MTFR1: variants seen among roughly 807,000 people sequenced by gnomAD.
MTFR1 encodes chondrocyte protein with a poly-proline region.
Under a neutral mutation model 38.8 loss-of-function variants are expected in MTFR1, and 28 were observed. The ratio of observed to expected loss-of-function variants is 0.72; its 90% CI spans 0.53 to 0.99. The LOEUF (loss-of-function observed/expected upper bound fraction) is 0.99, where lower values mean the gene tolerates loss of function less well. MTFR1 is among the 50% of genes least tolerant of loss of function. The pLI, the probability that MTFR1 is intolerant of heterozygous loss-of-function variation, is 0.00. For missense variants in MTFR1, 358 were observed against 395.5 expected, an observed-to-expected ratio of 0.91 and a Z score of 0.81; for synonymous variants, 145 against 137.0, an observed-to-expected ratio of 1.06 and a Z score of -0.41.
chr8:65,766,659 C>G (rs1307298002), intron 3 of MTFR1, among the ~76,000 whole-genome samples: 2 of 152,232 alleles, frequency 1.3e-5, no homozygotes, highest in African/African-American at 4.8e-5. Context: ...ATTTCTCCCT[C>G]TCTCCTCTTC....
At chr8:65,693,567 T>A in intron 3 of MTFR1, 77 bp from the exon 4 acceptor site, 1 of 1,181,304 alleles carries the variant, frequency 8.5e-7, no homozygotes, top group Non-Finnish European at 1.2e-6. Flanking sequence ...CTGACGATTT[T>A]CCTTTAGGTG....
At chr8:65,675,087 T>C (rs907031745) in intron 2 of MTFR1, among the ~76,000 whole-genome samples, 5 of 152,040 alleles carry the variant, frequency 3.3e-5, no homozygotes, top group Non-Finnish European at 7.4e-5. Context: ...GGTTAGCAGT[T>C]CGAGACCAGC....
intron 3 of MTFR1, chr8:65,727,021 T>A: frequency 9.4e-7 from 1 of 1,064,074 alleles, no homozygotes; most frequent in Non-Finnish European, 1.5e-6. Context: ...TCTGGACATA[T>A]CATTACTAAC....
At chr8:65,698,672 G>C (rs566784224) in intron 4 of MTFR1, among the ~76,000 whole-genome samples, 49 of 152,072 alleles carry the variant, frequency 3.2e-4, no homozygotes, top group Admixed American at 1.2e-3. Flanking sequence ...GGACTCAATA[G>C]GTAGTTTTTT....
At chr8:65,699,882 G>T (rs995457809) in intron 4 of MTFR1, among the ~76,000 whole-genome samples, 3 of 152,074 alleles carry the variant, frequency 2.0e-5, no homozygotes, top group African/African-American at 4.8e-5. Context: ...GAAAGCTGAA[G>T]CTCTTCAATA....
At chr8:65,651,657 A>T (rs112327454) in intron 1 of MTFR1, among the ~76,000 whole-genome samples, 16,694 of 151,950 alleles carry the variant, frequency 0.11, 1,139 homozygotes, top group Middle Eastern at 0.17. Context: ...CCATTGGTCT[A>T]TGTGTCTGTT....
downstream of MTFR1, among the ~76,000 whole-genome samples, chr8:65,713,013 T>TA (rs777796267): frequency 6.6e-6 from 1 of 152,206 alleles, no homozygotes; most frequent in African/African-American, 2.4e-5. Context: ...ATGTACAGCT[T>TA]AAAGATAGGT....
At chr8:65,690,298 G>T (rs1235989173) in intron 3 of MTFR1, among the ~76,000 whole-genome samples, 1 of 152,132 alleles carries the variant, frequency 6.6e-6, no homozygotes, top group Non-Finnish European at 1.5e-5. Flanking sequence ...ACTTTGGGAG[G>T]CTGAGGCAGG....
At chr8:65,705,076 A>C (rs1334823484) in intron 5 of MTFR1, 147 bp downstream of exon 5, 5 of 702,470 alleles carry the variant, frequency 7.1e-6, no homozygotes, top group South Asian at 5.6e-5. Flanking sequence ...CTGTAATCCC[A>C]GCACTTTGGG....
intron 4 of MTFR1, among the ~76,000 whole-genome samples, chr8:65,696,431 C>A (rs771475574): frequency 1.3e-4 from 20 of 152,156 alleles, no homozygotes; most frequent in Non-Finnish European, 1.2e-4. Flanking sequence ...ATGGTAACAT[C>A]CTGCAAAACT....
intron 1 of MTFR1, among the ~76,000 whole-genome samples, chr8:65,658,604 A>T (rs1809329960): frequency 1.3e-5 from 2 of 152,314 alleles, no homozygotes; most frequent in South Asian, 4.1e-4. Context: ...GAATACACAC[A>T]CATGTGTGCA....
At chr8:65,667,968 T>G (rs1193193471) in intron 1 of MTFR1, among the ~76,000 whole-genome samples, 1 of 152,154 alleles carries the variant, frequency 6.6e-6, no homozygotes, top group African/African-American at 2.4e-5. Context: ...CTTTTCAGTT[T>G]ATTTTCACCC....
chr8:65,681,835 T>G (rs920987466), intron 2 of MTFR1, among the ~76,000 whole-genome samples: 2 of 152,188 alleles, frequency 1.3e-5, no homozygotes, highest in Non-Finnish European at 2.9e-5. Context: ...TTTCAGCCTT[T>G]GCTCACCCTT....
At chr8:65,761,680 A>T (rs1808500539) in intron 3 of MTFR1, among the ~76,000 whole-genome samples, 1 of 152,208 alleles carries the variant, frequency 6.6e-6, no homozygotes, top group Non-Finnish European at 1.5e-5. Context: ...AACCTAAATG[A>T]ACACTGTGAC....
chr8:65,679,747 G>C (rs1416709294), intron 2 of MTFR1: 4 of 152,116 alleles, frequency 2.6e-5, no homozygotes, highest in African/African-American at 9.7e-5. Context: ...AACTTGCGAG[G>C]CTTCCCATTT....
chr8:65,748,167 G>A (rs771482837), intron 3 of MTFR1, among the ~76,000 whole-genome samples: 20 of 151,644 alleles, frequency 1.3e-4, no homozygotes, highest in Non-Finnish European at 2.2e-4. Context: ...TAAACATGGA[G>A]CAGAAACATG....
intron 3 of MTFR1, among the ~76,000 whole-genome samples, chr8:65,764,560 A>G (rs927854626): frequency 2.0e-5 from 3 of 152,242 alleles, no homozygotes; most frequent in Admixed American, 1.3e-4. Context: ...AATGCTGAGC[A>G]AACTATTTGT....
chr8:65,747,742 C>T, intron 3 of MTFR1: 1 of 1,608,782 alleles, frequency 6.2e-7, no homozygotes, highest in Non-Finnish European at 8.5e-7. Context: ...TAAGATATCG[C>T]TGGAAACTTA....
chr8:65,735,884 C>G (rs937807164), intron 3 of MTFR1, among the ~76,000 whole-genome samples: 4 of 152,106 alleles, frequency 2.6e-5, no homozygotes, highest in Non-Finnish European at 5.9e-5. Context: ...CTCGGCCTCC[C>G]AAAATGCTGG....
Sources: gnomAD v4.1 joint callset for allele counts (sites outside exome capture counted in the v4.1 genomes callset) on GRCh38, gnomAD v4.1.1 for gene constraint, MANE v1.5 for transcripts, NCBI Gene and HGNC (gene_info 2026-07-23, HGNC 2026-07-21) for gene names.